Variants in LRRC15 observed in about 807,000 individuals in gnomAD.
The protein encoded by LRRC15 is leucine rich repeat containing 15.
A neutral mutation model predicts 4.3 loss-of-function variants in LRRC15; 5 were observed. The ratio of observed to expected loss-of-function variants is 1.16; its 90% CI spans 0.61 to 2.44. The LOEUF (loss-of-function observed/expected upper bound fraction) is 2.44, where lower values mean the gene tolerates loss of function less well. Among genes scored for constraint, LRRC15 ranks in the 30% most tolerant of loss-of-function variants. The pLI, the probability that LRRC15 is intolerant of heterozygous loss-of-function variation, is 0.01. For synonymous variants in LRRC15, 337 were observed against 323.2 expected (o/e 1.04, Z -0.46); for missense variants, 769 against 747.0 (o/e 1.03, Z -0.34).
In LRRC15 at chr3:194,369,736, A is replaced by G. The variant is rs772656111; in HGVS notation, c.-79T>C. On this transcript the variant is annotated 5_prime_UTR_variant, in exon 1 of 2. The change abolishes an upstream ATG in the 5' untranslated region. Coordinates refer to ENST00000347624, the MANE Select transcript of LRRC15 (RefSeq NM_130830.5). ...ACGAGGGACGGCTCAAGGCTGCAGCATGAGTGTGGCTCGCCTAAGCTGTCC... is the reference window on the plus strand; with the variant it reads ...ACGAGGGACGGCTCAAGGCTGCAGCGTGAGTGTGGCTCGCCTAAGCTGTCC... 3.9e-5 allele frequency: 6 copies of G among 152,266 alleles called. No homozygotes were observed. The highest frequency in any genetic ancestry group is 7.3e-5 in the Non-Finnish European group (5 of 68,100). The allele number at this position is 152,266 out of a possible 1,614,324, so 9.4% of individuals were successfully genotyped here. A position where few individuals can be genotyped will look rare whatever the true frequency, so the allele number is the denominator to read the frequency against.
At chr3:194,368,621 A>G (rs2108661267) in intron 1 of LRRC15, among the ~76,000 whole-genome samples, 1 of 152,194 alleles carries the variant, frequency 6.6e-6, no homozygotes, top group East Asian at 1.9e-4. Flanking sequence ...AGGTAAAGTG[A>G]CGCATCCCAG....
Position 194,355,663 on chromosome 3 carries a change from T to A in LRRC15, c.*3635A>T, listed in dbSNP as rs1303786147. 6.6e-6 allele frequency: 1 copy of A among 152,240 alleles called. No homozygotes were observed. The highest frequency in any genetic ancestry group is 1.5e-5 in the Non-Finnish European group (1 of 68,054). 9.4% of individuals were successfully genotyped at this position (152,240 alleles called of 1,614,324 possible). The stretch of plus-strand genomic sequence containing the variant: ...GGGGGCTGAATCTTTGAGTGGTTTA[T>A]AGCTAAAAGCTAGGATACATCTAAC... On this transcript the variant is annotated 3_prime_UTR_variant, in exon 2 of 2. Transcript: ENST00000347624.
intron 1 of LRRC15, among the ~76,000 whole-genome samples, chr3:194,361,425 C>T (rs1713625798): frequency 9.8e-6 from 1 of 102,464 alleles, no homozygotes; most frequent in Non-Finnish European, 1.9e-5. Flanking sequence ...GGATGTCATT[C>T]ACTGTGTCCC....
At chr3:194,363,353 T>TGC (rs1577000646) in intron 1 of LRRC15, 1 of 714,378 alleles carries the variant, frequency 1.4e-6, no homozygotes, top group East Asian at 2.7e-5. Context: ...GGAAAAAGAA[T>TGC]ACCTTGTCCA....
chr3:194,365,045 G>A (rs779453580), intron 1 of LRRC15, among the ~76,000 whole-genome samples: 8 of 152,250 alleles, frequency 5.3e-5, no homozygotes, highest in Non-Finnish European at 1.2e-4. Context: ...GTGCTGCTTG[G>A]CAGCTCTGAC....
At chr3:194,363,503 A>AT in intron 1 of LRRC15, 1 of 500,420 alleles carries the variant, frequency 2.0e-6, no homozygotes, top group East Asian at 3.4e-5. Context: ...CACCAAAAAA[A>AT]GTGGCTCAAT....
chr3:194,359,583 T>C lies in LRRC15; in HGVS notation c.1461A>G (p.Thr487=), dbSNP rs1036999554. The change falls in exon 2 of 2, where the codon ACA becomes ACG. Residue 487 remains threonine, a synonymous_variant. Coordinates refer to ENST00000347624, the MANE Select transcript of LRRC15 (RefSeq NM_130830.5). The part of the protein sequence containing the change: ...HVPEVPSYPE[T]PWYPDTPSYP... ...AACTGGGTGTGTCTGGGTACCATGG[T>C]GTTTCTGGGTAACTAGGCACCTCGG... 6.2e-7 allele frequency: 1 copy of C among 1,613,678 alleles called. No homozygotes were observed. Among genetic ancestry groups the C allele is most frequent in the Non-Finnish European group, 8.5e-7 (1 of 1,179,872 alleles).
chr3:194,363,452 C>T (rs1433541594), intron 1 of LRRC15: 14 of 650,350 alleles, frequency 2.2e-5, no homozygotes, highest in Non-Finnish European at 3.9e-5. Flanking sequence ...AATGTCAGGT[C>T]CAGAACCCAG....
At position 194,360,148 on chromosome 3, in the gene LRRC15, C is replaced by A; in HGVS notation, c.896G>T (p.Trp299Leu). The A allele has an allele frequency of 5.0e-6, 8 of 1,614,184 alleles. No individual in the cohort carries two copies. The highest frequency in any genetic ancestry group is 6.8e-6 in the Non-Finnish European group (8 of 1,180,042). Residue 299 changes from tryptophan to leucine, a missense_variant, in exon 2 of 2, where the codon TGG (tryptophan) becomes TTG (leucine). Physicochemically the swap from Trp to Leu is moderately conservative, Grantham distance 61. Coordinates refer to ENST00000347624, the MANE Select transcript of LRRC15 (RefSeq NM_130830.5). Reference protein sequence around the residue: ...FGPMPNLRELWLYDNHISSLP... With the variant: ...FGPMPNLRELLLYDNHISSLP... ...AGAAGAGATGTGGTTGTCATAGAGC[C>A]AAAGCTCCCGCAGGTTGGGCATGGG...
Position 194,360,447 on chromosome 3 carries a change from GAGGTTGCCC to G in LRRC15, c.588_596del (p.Gly197_Leu199del). ...TGTTCTCATACAGCCGGAGGACCTG[GAGGTTGCCC>G]AGGTGCTGGAAGACCCTGGGTGAGA... On this transcript the variant is annotated inframe_deletion, in exon 2 of 2. Coordinates refer to ENST00000347624, the MANE Select transcript of LRRC15 (RefSeq NM_130830.5). 2.5e-6 allele frequency: 4 copies of G among 1,614,218 alleles called. No individual in the cohort carries two copies. The highest frequency in any genetic ancestry group is 3.4e-6 in the Non-Finnish European group (4 of 1,180,040).
chr3:194,361,513 C>T lies in LRRC15; in HGVS notation c.-3-467G>A, dbSNP rs926835726. ...TTTCATCCCTACAGTTTCCTTAGGGCGGGAACTGTATCTTATCCATCTCTG... is the reference window on the plus strand; with the variant it reads ...TTTCATCCCTACAGTTTCCTTAGGGTGGGAACTGTATCTTATCCATCTCTG... On this transcript the variant is annotated intron_variant, in intron 1 of 1. Transcript: ENST00000347624. Among the ~76,000 whole-genome samples the T allele has an allele frequency of 7.9e-5, 12 of 152,170 alleles. No homozygotes were observed. The South Asian group carries it at 1.0e-3, about 13-fold the overall frequency.
rs1360063573 is a variant in LRRC15 at position 194,359,794 on chromosome 3, T to A, written c.1250A>T (p.Glu417Val). Residue 417 changes from glutamate to valine, a missense_variant, in exon 2 of 2, where the codon GAG (glutamate) becomes GTG (valine). Physicochemically the swap from Glu to Val is moderately radical, Grantham distance 121 (BLOSUM62 -2). Coordinates refer to ENST00000347624, the MANE Select transcript of LRRC15 (RefSeq NM_130830.5). ...GIFDHLGKLCELRLYDNPWRC... is the reference protein window; with the variant it reads ...GIFDHLGKLCVLRLYDNPWRC... Reference sequence around the variant, plus strand: ...CCAGGGATTGTCATACAGCCGCAGCTCACACAGTTTCCCCAGGTGATCGAA... The same window carrying A: ...CCAGGGATTGTCATACAGCCGCAGCACACACAGTTTCCCCAGGTGATCGAA... 1.9e-6 allele frequency: 3 copies of A among 1,614,106 alleles called. No individual in the cohort carries two copies. The highest frequency in any genetic ancestry group is 2.5e-6 in the Non-Finnish European group (3 of 1,180,016).
In LRRC15 at chr3:194,359,767, C is replaced by T; in HGVS notation, c.1277G>A (p.Arg426Lys). ...GAGCGGAAGGATGTCTGAGTCACAC[C>T]TCCAGGGATTGTCATACAGCCGCAG... ...CELRLYDNPW[R>K]CDSDILPLRN... The change falls in exon 2 of 2, where the codon AGG (arginine) becomes AAG (lysine). Residue 426 changes from arginine to lysine, a missense_variant. Physicochemically the swap from Arg to Lys is conservative, Grantham distance 26. Coordinates refer to ENST00000347624, the MANE Select transcript of LRRC15 (RefSeq NM_130830.5). 1 of 1,614,162 alleles carries T rather than the reference C, an allele frequency of 6.2e-7. No individual in the cohort carries two copies. The highest frequency in any genetic ancestry group is 1.1e-5 in the South Asian group (1 of 91,070).
Position 194,360,486 on chromosome 3 carries a change from G to A in LRRC15, c.558C>T (p.Thr186=), listed in dbSNP as rs754334124. Residue 186 remains threonine (T), a synonymous_variant, in exon 2 of 2, where the codon ACC becomes ACT. Coordinates refer to ENST00000347624, the MANE Select transcript of LRRC15 (RefSeq NM_130830.5). The part of the protein sequence containing the change: ...TKLNLGKNSL[T]HISPRVFQHL... ...GCTGGAAGACCCTGGGTGAGATGTG[G>A]GTGAGGCTATTCTTGCCCAGATTGA... 20 of 1,614,014 alleles carry A rather than the reference G, an allele frequency of 1.2e-5. No homozygotes were observed. The highest frequency in any genetic ancestry group is 1.7e-5 in the Admixed American group (1 of 60,000).
chr3:194,364,916 G>A (rs1250322891), intron 1 of LRRC15, among the ~76,000 whole-genome samples: 1 of 152,226 alleles, frequency 6.6e-6, no homozygotes, highest in African/African-American at 2.4e-5. Flanking sequence ...GGAGGGAGGG[G>A]CCACAGAACC....
chr3:194,364,901 G>A (rs956235717), intron 1 of LRRC15, among the ~76,000 whole-genome samples: 4 of 152,232 alleles, frequency 2.6e-5, no homozygotes, highest in African/African-American at 9.6e-5. Context: ...TGCAAAGCCC[G>A]CAGGGGAGGG....
In LRRC15 at chr3:194,363,292, A is replaced by G. The variant is rs1713687416; in HGVS notation, c.-3-2246T>C. On this transcript the variant is annotated intron_variant, in intron 1 of 1. Coordinates refer to ENST00000347624, the MANE Select transcript of LRRC15 (RefSeq NM_130830.5). ...GCCCATGGAAGCCCTGACCTGCTAT[A>G]CTTTTACATTAAGAACTTGACTAAG... The G allele has an allele frequency of 1.0e-5, 7 of 677,570 alleles. No homozygotes were observed. In the Admixed American group the frequency reaches 1.7e-4, roughly 16 times the overall value. The allele number at this position is 677,570 out of a possible 1,614,324, so 42.0% of individuals were successfully genotyped here.
chr3:194,361,384 C>T (rs6791228), intron 1 of LRRC15, among the ~76,000 whole-genome samples: 32,772 of 152,198 alleles, frequency 0.22, 3,788 homozygotes, highest in Non-Finnish European at 0.27. Context: ...AAGTCGTCTT[C>T]CCAGTCTCCA....
intron 1 of LRRC15, 133 bp downstream of exon 1, chr3:194,369,528 G>C (rs538195150): frequency 6.9e-6 from 1 of 144,310 alleles, no homozygotes; most frequent in Admixed American, 7.0e-5. Flanking sequence ...TCCCTGTCCC[G>C]AGAGCATCCC....
Sources: gnomAD v4.1 joint callset for allele counts (sites outside exome capture counted in the v4.1 genomes callset) on GRCh38, gnomAD v4.1.1 for gene constraint, MANE v1.5 for transcripts, NCBI Gene and HGNC (gene_info 2026-07-23, HGNC 2026-07-21) for gene names.